Variants in CPS1 observed in about 807,000 individuals in gnomAD.
CPS1 encodes carbamoyl-phosphate synthase 1, also known as carbamoyl-phosphate synthase [ammonia], mitochondrial.
Under a neutral mutation model 174.6 loss-of-function variants are expected in CPS1, and 109 were observed. That is an observed-to-expected ratio of 0.62 (90% CI 0.53 to 0.73). The LOEUF is 0.73. Among genes scored for constraint, CPS1 ranks in the 30% least tolerant of loss-of-function variants. The pLI is 0.00. For synonymous variants in CPS1, 637 were observed against 632.0 expected (o/e 1.01, Z -0.12); for missense variants, 1,689 against 1,821.9 (o/e 0.93, Z 1.33).
In CPS1 at chr2:210,502,546, TAAA is replaced by T. The variant is rs1695175107; in HGVS notation, c.3+24783_3+24785del. Reference sequence around the variant, plus strand: ...ATACACACATATATACATATAATGTTAAAAAGCATCTTTTCAAATAAATGCTGC... The same window carrying T: ...ATACACACATATATACATATAATGTTAAGCATCTTTTCAAATAAATGCTGC... On this transcript the variant is annotated intron_variant, in intron 1 of 38. Coordinates refer to the CPS1 transcript ENST00000430249. 6.0e-5 allele frequency among the ~76,000 whole-genome samples: 9 copies of T among 150,350 alleles called. No homozygotes were observed. In the Admixed American group the frequency reaches 6.0e-4, roughly 10 times the overall value.
Position 210,582,708 on chromosome 2 carries a change from A to C in CPS1, c.620A>C (p.Lys207Thr). The stretch of plus-strand genomic sequence containing the variant: ...AATTTGATTGCTGAGGTTTCAACCA[A>C]GGTGAGGGGTTTTCCTTTATATTTT... ...KQNLIAEVST[K>T]DVKVYGKGNP... The change falls in exon 6 of 38, where the codon AAG becomes ACG. Residue 207 changes from lysine to threonine, a missense_variant and splice_region_variant. Coordinates refer to ENST00000233072, the MANE Select transcript of CPS1 (RefSeq NM_001875.5). The C allele has an allele frequency of 6.2e-7, 1 of 1,607,130 alleles. No individual in the cohort carries two copies. Among genetic ancestry groups the C allele is most frequent in the Non-Finnish European group, 8.5e-7 (1 of 1,173,876 alleles).
intron 1 of CPS1, among the ~76,000 whole-genome samples, chr2:210,505,786 C>A (rs1467124625): frequency 2.6e-5 from 4 of 152,202 alleles, no homozygotes; most frequent in Non-Finnish European, 5.9e-5. Context: ...GAGACTTGCT[C>A]ATTGCTAATA....
At position 210,675,789 on chromosome 2, in the gene CPS1, T is replaced by C; in HGVS notation, c.4223T>C (p.Val1408Ala). Residue 1408 changes from valine to alanine, a missense_variant, in exon 36 of 38, where the codon GTG becomes GCG. Physicochemically the swap from Val to Ala is moderately conservative, Grantham distance 64. Coordinates refer to ENST00000233072, the MANE Select transcript of CPS1 (RefSeq NM_001875.5). ...GCCAACAATGTCCCTGCCACCCCAG[T>C]GGCATGGCCGTCTCAAGAAGGACAG... ...LNANNVPATP[V>A]AWPSQEGQNP... 1.2e-5 allele frequency: 19 copies of C among 1,608,484 alleles called. No individual in the cohort carries two copies. The highest frequency in any genetic ancestry group is 1.5e-5 in the Non-Finnish European group (18 of 1,174,810).
In CPS1 at chr2:210,592,892, A is replaced by C. The variant is rs201171896; in HGVS notation, c.1100A>C (p.Glu367Ala). 45 of 1,612,304 alleles carry C rather than the reference A, an allele frequency of 2.8e-5. No homozygotes were observed. Among genetic ancestry groups the C allele is most frequent in the Middle Eastern group, 1.6e-4 (1 of 6,072 alleles). ...NDQTNEGIMH[E>A]SKPFFAVQFH... ...TTATTCCTTTAGGGGATTATGCATG[A>C]GAGCAAACCCTTCTTCGCTGTGCAG... Residue 367 changes from glutamate (E) to alanine (A), a missense_variant, in exon 11 of 38, where the codon GAG becomes GCG. Glu to Ala is a moderately radical substitution (Grantham distance 107). Coordinates refer to ENST00000233072, the MANE Select transcript of CPS1 (RefSeq NM_001875.5).
intron 7 of CPS1, among the ~76,000 whole-genome samples, chr2:210,588,671 A>T (rs1698187687): frequency 6.6e-6 from 1 of 151,938 alleles, no homozygotes; most frequent in South Asian, 2.1e-4. Flanking sequence ...TTTTGTTAGG[A>T]TTTTTCCTTC....
At chr2:210,624,974 T>A (rs1228217352) in intron 21 of CPS1, among the ~76,000 whole-genome samples, 1 of 152,054 alleles carries the variant, frequency 6.6e-6, no homozygotes, top group Non-Finnish European at 1.5e-5. Context: ...AAATAGTCAA[T>A]AATTAATACA....
chr2:210,552,160 G>A (rs1160653491), upstream of CPS1, among the ~76,000 whole-genome samples: 1 of 151,952 alleles, frequency 6.6e-6, no homozygotes, highest in Non-Finnish European at 1.5e-5. Flanking sequence ...ACACAAAACA[G>A]TAGAACTTTC....
At chr2:210,494,185 T>G (rs1396525870) in intron 1 of CPS1, among the ~76,000 whole-genome samples, 34 of 152,170 alleles carry the variant, frequency 2.2e-4, no homozygotes, top group Admixed American at 2.2e-3. Context: ...GTTAATTTCA[T>G]AAGAAAAAAA....
At chr2:210,556,232 C>G (rs1010128054), upstream of CPS1, 2 of 393,690 alleles carry the variant, frequency 5.1e-6, no homozygotes, top group Non-Finnish European at 1.0e-5. Context: ...GTCTTTTTAC[C>G]CCAACAGAAA....
chr2:210,523,876 G>T (rs1459797526), intron 1 of CPS1, among the ~76,000 whole-genome samples: 1 of 151,952 alleles, frequency 6.6e-6, no homozygotes, highest in Non-Finnish European at 1.5e-5. Flanking sequence ...TTTACTAGAG[G>T]CAGTGGCTTC....
At chr2:210,487,689 C>CT (rs34525280) in intron 1 of CPS1, among the ~76,000 whole-genome samples, 30,379 of 148,608 alleles carry the variant, frequency 0.2, 3,482 homozygotes, top group Middle Eastern at 0.33. Context: ...CATTGTGATG[C>CT]TTTTTTTTTT....
chr2:210,642,439 T>A, intron 24 of CPS1, 45 bp from the exon 25 acceptor site: 1 of 1,609,156 alleles, frequency 6.2e-7, no homozygotes, highest in Non-Finnish European at 8.5e-7. Flanking sequence ...GTATTGTAAC[T>A]TCGTGCTTCT....
At chr2:210,484,763 C>T (rs1694670350) in intron 1 of CPS1, among the ~76,000 whole-genome samples, 2 of 152,146 alleles carry the variant, frequency 1.3e-5, no homozygotes, top group Admixed American at 6.5e-5. Flanking sequence ...CTGCTATAAA[C>T]CCCCCTAATT....
Position 210,648,495 on chromosome 2 carries a change from A to T in CPS1, c.3359A>T (p.Lys1120Met). Residue 1120 changes from lysine (K) to methionine (M), a missense_variant, in exon 27 of 38, where the codon AAG becomes ATG. Transcript: ENST00000233072. The part of the protein sequence containing the change: ...NTLNEALEFA[K>M]SVDYPCLLRP... ...TAGAATGAAGCACTGGAATTTGCAA[A>T]GTCTGTGGACTACCCCTGCTTGTTG... 6.2e-7 allele frequency: 1 copy of T among 1,613,574 alleles called. No individual in the cohort carries two copies. Among genetic ancestry groups the T allele is most frequent in the Non-Finnish European group, 8.5e-7 (1 of 1,179,682 alleles).
chr2:210,506,633 A>T (rs1159493773), intron 1 of CPS1, among the ~76,000 whole-genome samples: 1 of 152,200 alleles, frequency 6.6e-6, no homozygotes, highest in Non-Finnish European at 1.5e-5. Context: ...CCTTGAAAAA[A>T]GATTAGACAA....
chr2:210,605,328 G>A (rs1698870902), intron 17 of CPS1, 82 bp downstream of exon 17: 5 of 1,481,482 alleles, frequency 3.4e-6, no homozygotes, highest in Middle Eastern at 1.7e-4. Flanking sequence ...TAAAGTTGTT[G>A]CCTTTAAATT....
intron 33 of CPS1, among the ~76,000 whole-genome samples, chr2:210,664,610 C>T (rs140323502): frequency 7.1e-4 from 108 of 152,244 alleles, no homozygotes; most frequent in African/African-American, 1.4e-3. Context: ...CCACCGCAGC[C>T]GGCCCATGCT....
At chr2:210,579,919 T>G (rs1697859351) in intron 5 of CPS1, 149 bp downstream of exon 5, 2 of 681,406 alleles carry the variant, frequency 2.9e-6, no homozygotes, top group South Asian at 3.3e-5. Context: ...TCTGTTATTT[T>G]GTTTTACTAT....
chr2:210,492,093 A>G (rs916929487), intron 1 of CPS1, among the ~76,000 whole-genome samples: 9 of 152,238 alleles, frequency 5.9e-5, no homozygotes, highest in Admixed American at 2.0e-4. Flanking sequence ...TGAATAGACA[A>G]GAGTTAGACT....
Sources: gnomAD v4.1 joint callset for allele counts (sites outside exome capture counted in the v4.1 genomes callset) on GRCh38, gnomAD v4.1.1 for gene constraint, MANE v1.5 for transcripts, NCBI Gene and HGNC (gene_info 2026-07-23, HGNC 2026-07-21) for gene names.